MACROD2: variants seen among roughly 807,000 people sequenced by gnomAD.
MACROD2 encodes the protein mono-ADP ribosylhydrolase 2, also known as ADP-ribose glycohydrolase MACROD2.
MACROD2 carries 36 observed loss-of-function variants against 70.4 expected under a neutral mutation model. The observed-to-expected ratio is 0.51, with a 90% CI of 0.39 to 0.68. MACROD2 has a LOEUF of 0.68. Ranked by LOEUF, MACROD2 falls within the 30% of genes least tolerant of loss-of-function variation. The probability of loss-of-function intolerance (pLI) is 0.00; values close to 1 mark genes in which losing one functional copy is unlikely to be tolerated. For synonymous variants in MACROD2, 172 were observed against 178.8 expected (o/e 0.96, Z 0.30); for missense variants, 496 against 538.4 (o/e 0.92, Z 0.78).
At chr20:15,490,863 T>C (rs2047223430) in intron 7 of MACROD2, among the ~76,000 whole-genome samples, 1 of 152,214 alleles carries the variant, frequency 6.6e-6, no homozygotes, top group Non-Finnish European at 1.5e-5. Flanking sequence ...CTAGCAGATA[T>C]GCAAGCCCTA....
rs11475558 is a variant in MACROD2, at chr20:14,093,668, CAA to C, written c.271+7951_271+7952del. Among the ~76,000 whole-genome samples, 1,386 of 144,860 alleles carry C rather than the reference CAA, an allele frequency of 9.6e-3. 23 individuals carry two copies. Among genetic ancestry groups the C allele is most frequent in the African/African-American group, 0.027 (1,071 of 39,654 alleles). ...AGAGGAGTAAGAAACACTCATTTGA[CAA>C]AAAAAAAAAACCCCAAAAATAAACA... On this transcript the variant is annotated intron_variant, in intron 3 of 17. Coordinates refer to ENST00000684519, the MANE Select transcript of MACROD2 (RefSeq NM_001351661.2).
chr20:15,249,141 CT>C (rs148622579), intron 6 of MACROD2, among the ~76,000 whole-genome samples: 162 of 152,308 alleles, frequency 1.1e-3, no homozygotes, highest in African/African-American at 3.8e-3. Context: ...CTACCAACCC[CT>C]GTCGCCTCCT....
chr20:15,566,373 C>A (rs1407582598), intron 8 of MACROD2, among the ~76,000 whole-genome samples: 1 of 151,736 alleles, frequency 6.6e-6, no homozygotes, highest in African/African-American at 2.4e-5. Flanking sequence ...TGATGTGCGC[C>A]TGTAATCCCA....
intron 5 of MACROD2, among the ~76,000 whole-genome samples, chr20:15,112,734 C>T (rs2075964323): frequency 6.6e-6 from 1 of 152,162 alleles, no homozygotes. Flanking sequence ...CACCATCTGT[C>T]TCTAGAACTT....
chr20:15,198,007 G>A (rs1045753775), intron 5 of MACROD2, among the ~76,000 whole-genome samples: 2 of 137,118 alleles, frequency 1.5e-5, no homozygotes, highest in African/African-American at 5.3e-5. Flanking sequence ...TGTCACCCAG[G>A]CTGGAGTGCA....
chr20:15,718,572 G>C (rs2050739651), intron 8 of MACROD2, among the ~76,000 whole-genome samples: 1 of 152,172 alleles, frequency 6.6e-6, no homozygotes, highest in Non-Finnish European at 1.5e-5. Flanking sequence ...AAGCAGTGTA[G>C]GGTGGATCAC....
At chr20:15,894,826 C>T (rs914809387) in intron 10 of MACROD2, among the ~76,000 whole-genome samples, 2 of 152,142 alleles carry the variant, frequency 1.3e-5, no homozygotes, top group Non-Finnish European at 2.9e-5. Context: ...CACTTAGAAC[C>T]AGGAAAAAGG....
At chr20:14,557,237 T>C (rs1212634987) in intron 4 of MACROD2, among the ~76,000 whole-genome samples, 1 of 151,922 alleles carries the variant, frequency 6.6e-6, no homozygotes, top group Non-Finnish European at 1.5e-5. Flanking sequence ...GAATGGATCA[T>C]AGATCTAAGT....
chr20:15,793,449 G>A (rs2063644006), intron 8 of MACROD2, among the ~76,000 whole-genome samples: 2 of 152,100 alleles, frequency 1.3e-5, no homozygotes, highest in South Asian at 4.1e-4. Context: ...TTTAGAAATA[G>A]TATATGTATT....
At chr20:14,049,502 A>G (rs1478159563) in intron 2 of MACROD2, among the ~76,000 whole-genome samples, 7 of 151,700 alleles carry the variant, frequency 4.6e-5, no homozygotes, top group Non-Finnish European at 1.0e-4. Context: ...GCACTTTGGG[A>G]GGCCGAGGTG....
intron 5 of MACROD2, among the ~76,000 whole-genome samples, chr20:14,757,127 A>G (rs2071951694): frequency 6.6e-6 from 1 of 152,190 alleles, no homozygotes; most frequent in African/African-American, 2.4e-5. Context: ...ACATTTTTGA[A>G]TTAAATATCT....
chr20:14,675,254 A>C lies in MACROD2; in HGVS notation c.302-9589A>C, dbSNP rs553038491. On this transcript the variant is annotated intron_variant, in intron 4 of 17. Transcript: ENST00000684519. ...AGCAACCACAAGACACATAATCGTC[A>C]GATTCGCCAAGGTTGAAATGAAGGA... Among the ~76,000 whole-genome samples, 3 of 152,324 alleles carry C rather than the reference A, an allele frequency of 2.0e-5. No individual in the cohort carries two copies. In the South Asian group the frequency reaches 6.2e-4, roughly 32 times the overall value.
intron 6 of MACROD2, among the ~76,000 whole-genome samples, chr20:15,374,079 C>T (rs2146266094): frequency 6.6e-6 from 1 of 152,120 alleles, no homozygotes; most frequent in South Asian, 2.1e-4. Context: ...ATCTCATTCT[C>T]TATTCTCATT....
intron 13 of MACROD2, among the ~76,000 whole-genome samples, chr20:15,985,586 G>A (rs941671372): frequency 5.9e-5 from 9 of 152,216 alleles, no homozygotes; most frequent in South Asian, 4.1e-4. Context: ...GGCCTGCTAT[G>A]CGCTGCTCTG....
chr20:16,020,414 C>T (rs895817090), intron 15 of MACROD2, among the ~76,000 whole-genome samples: 3 of 151,862 alleles, frequency 2.0e-5, no homozygotes, highest in African/African-American at 7.3e-5. Context: ...CCCCTCCACC[C>T]AAGACAGGGT....
At chr20:14,873,392 T>C (rs2073512028) in intron 5 of MACROD2, among the ~76,000 whole-genome samples, 1 of 152,190 alleles carries the variant, frequency 6.6e-6, no homozygotes, top group Admixed American at 6.5e-5. Context: ...GTGTTTTAAG[T>C]CGACTTTTGC....
At chr20:14,933,563 G>A (rs1171858318) in intron 5 of MACROD2, among the ~76,000 whole-genome samples, 1 of 151,876 alleles carries the variant, frequency 6.6e-6, no homozygotes, top group African/African-American at 2.4e-5. Context: ...CCAGGAGATT[G>A]AGGCTGCAGT....
intron 3 of MACROD2, among the ~76,000 whole-genome samples, chr20:14,355,270 A>T (rs1042290935): frequency 2.6e-5 from 4 of 152,216 alleles, no homozygotes; most frequent in Admixed American, 2.6e-4. Context: ...ACCACTTGTA[A>T]CCTATCAAAT....
chr20:14,102,843 C>CT (rs1003462476), intron 3 of MACROD2, among the ~76,000 whole-genome samples: 21 of 148,490 alleles, frequency 1.4e-4, no homozygotes, highest in Non-Finnish European at 2.7e-4. Flanking sequence ...TGGGGAAGAA[C>CT]TTTTTTTTTT....
Sources: gnomAD v4.1 joint callset for allele counts (sites outside exome capture counted in the v4.1 genomes callset) on GRCh38, gnomAD v4.1.1 for gene constraint, MANE v1.5 for transcripts, NCBI Gene and HGNC (gene_info 2026-07-23, HGNC 2026-07-21) for gene names.